GREB1L: variants seen among roughly 807,000 people sequenced by gnomAD.
GREB1L encodes the protein GREB1-like protein.
GREB1L carries 17 observed loss-of-function variants against 200.8 expected under a neutral mutation model. That is an observed-to-expected ratio of 0.08 (90% CI 0.06 to 0.13). The LOEUF (loss-of-function observed/expected upper bound fraction) is 0.13. Ranked by LOEUF, GREB1L falls within the 10% of genes least tolerant of loss-of-function variation. GREB1L has a pLI of 1.00. For missense variants in GREB1L, 1,657 were observed against 2,367.7 expected, an observed-to-expected ratio of 0.70 and a Z score of 6.23; for synonymous variants, 789 against 893.0, an observed-to-expected ratio of 0.88 and a Z score of 2.08.
At chr18:21,363,620 C>T (rs1342248291) in intron 1 of GREB1L, 3 of 152,022 alleles carry the variant, frequency 2.0e-5, no homozygotes, top group African/African-American at 4.8e-5. Flanking sequence ...TCACTTTAGG[C>T]ATTACAAGAT....
At position 21,477,261 on chromosome 18, in the gene GREB1L, G is replaced by A. The variant is rs1382901695; in HGVS notation, c.2461G>A (p.Val821Met). Reference protein sequence around the residue: ...REVLEAFNLLVLQVSSFPYTL... With the variant: ...REVLEAFNLLMLQVSSFPYTL... ...AGTTCTGGAAGCTTTCAACCTCCTG[G>A]TGCTCCAGGTCAGCTCCTTCCCATA... The change falls in exon 17 of 33, where the codon GTG becomes ATG. Residue 821 changes from valine to methionine, a missense_variant. By Grantham distance (21) the Val-to-Met change is conservative (BLOSUM62 1). This residue lies in a region of GREB1L where 239 missense variants were observed against 421.8 expected (regional missense o/e 0.57). Coordinates refer to ENST00000424526, the MANE Select transcript of GREB1L (RefSeq NM_001142966.3). The A allele has an allele frequency of 1.3e-6, 2 of 1,551,752 alleles. No homozygotes were observed. The highest frequency in any genetic ancestry group is 8.7e-7 in the Non-Finnish European group (1 of 1,146,972).
At chr18:21,267,691 T>C (rs1186958149) in intron 1 of GREB1L, among the ~76,000 whole-genome samples, 2 of 152,118 alleles carry the variant, frequency 1.3e-5, no homozygotes, top group East Asian at 1.9e-4. Context: ...CATCCAATCA[T>C]AAATGATGAT....
chr18:21,475,743 G>T (rs935109314), intron 16 of GREB1L, among the ~76,000 whole-genome samples: 1 of 151,766 alleles, frequency 6.6e-6, no homozygotes, highest in African/African-American at 2.4e-5. Flanking sequence ...AAGGTGGGTG[G>T]ATTACTTGGG....
chr18:21,409,186 T>C (rs1240321704), intron 7 of GREB1L, among the ~76,000 whole-genome samples: 1 of 152,198 alleles, frequency 6.6e-6, no homozygotes. Context: ...TGGAATACCA[T>C]CCAGCGATAA....
chr18:21,407,820 A>T (rs1598776620), intron 7 of GREB1L, among the ~76,000 whole-genome samples: 2 of 152,352 alleles, frequency 1.3e-5, no homozygotes, highest in Non-Finnish European at 2.9e-5. Context: ...TTGCAGGAAC[A>T]TGGATGGAAC....
chr18:21,472,192 A>G (rs1458688592), intron 15 of GREB1L, among the ~76,000 whole-genome samples: 2 of 152,200 alleles, frequency 1.3e-5, no homozygotes, highest in Non-Finnish European at 2.9e-5. Context: ...ATTGCATGTA[A>G]TTGTTCACTG....
chr18:21,328,169 GTGCCAT>G (rs1394931816), intron 1 of GREB1L, among the ~76,000 whole-genome samples: 1 of 150,310 alleles, frequency 6.7e-6, no homozygotes, highest in East Asian at 1.9e-4. Context: ...TCCTGATTCA[GTGCCAT>G]TGCCCCCCCC....
chr18:21,483,138 G>A (rs1045967599), intron 17 of GREB1L, among the ~76,000 whole-genome samples: 12 of 152,178 alleles, frequency 7.9e-5, no homozygotes, highest in Non-Finnish European at 1.3e-4. Context: ...AACCTGCTAA[G>A]AAGAAAGAGA....
At chr18:21,478,945 G>A (rs1408239824) in intron 17 of GREB1L, among the ~76,000 whole-genome samples, 1 of 152,088 alleles carries the variant, frequency 6.6e-6, no homozygotes, top group Non-Finnish European at 1.5e-5. Context: ...GCAGTGGTGC[G>A]AAGTCAGCTC....
At chr18:21,389,029 C>G (rs887281518) in intron 4 of GREB1L, among the ~76,000 whole-genome samples, 12 of 152,152 alleles carry the variant, frequency 7.9e-5, no homozygotes, top group African/African-American at 2.7e-4. Context: ...ACTCTCCTTC[C>G]ACTACATACT....
At chr18:21,311,768 G>C (rs2038794118) in intron 1 of GREB1L, among the ~76,000 whole-genome samples, 1 of 152,120 alleles carries the variant, frequency 6.6e-6, no homozygotes, top group South Asian at 2.1e-4. Flanking sequence ...AGCATGCTGA[G>C]ATGACAAGCA....
intron 14 of GREB1L, 40 bp downstream of exon 14, chr18:21,452,257 G>A: frequency 6.5e-7 from 1 of 1,536,032 alleles, no homozygotes; most frequent in South Asian, 1.2e-5. Flanking sequence ...GTCAGTCCTT[G>A]GGACAGACAT....
intron 27 of GREB1L, among the ~76,000 whole-genome samples, chr18:21,513,130 G>A (rs1357905776): frequency 6.6e-6 from 1 of 152,186 alleles, no homozygotes. Flanking sequence ...GGGAAGCCAA[G>A]GCACAATGGG....
intron 1 of GREB1L, among the ~76,000 whole-genome samples, chr18:21,258,924 A>G (rs1438528655): frequency 6.6e-6 from 1 of 152,208 alleles, no homozygotes; most frequent in African/African-American, 2.4e-5. Context: ...GAATAGAGCC[A>G]TGGAATTGAT....
intron 8 of GREB1L, among the ~76,000 whole-genome samples, chr18:21,439,972 A>G (rs375071399): frequency 2.0e-5 from 3 of 152,236 alleles, no homozygotes; most frequent in Non-Finnish European, 2.9e-5. Context: ...CAAAATGGGT[A>G]TAACAACAAT....
At chr18:21,284,491 A>T in intron 1 of GREB1L, among the ~76,000 whole-genome samples, 1 of 152,178 alleles carries the variant, frequency 6.6e-6, no homozygotes, top group Non-Finnish European at 1.5e-5. Flanking sequence ...TCATCCATGT[A>T]CTAATACTTC....
At chr18:21,344,210 G>T (rs1225477285) in intron 1 of GREB1L, among the ~76,000 whole-genome samples, 4 of 152,160 alleles carry the variant, frequency 2.6e-5, no homozygotes, top group Non-Finnish European at 5.9e-5. Flanking sequence ...GACCATCCTG[G>T]CTAACATGGT....
intron 1 of GREB1L, among the ~76,000 whole-genome samples, chr18:21,354,431 CAAG>C (rs1409435378): frequency 6.6e-6 from 1 of 152,104 alleles, no homozygotes; most frequent in Non-Finnish European, 1.5e-5. Flanking sequence ...TCAACAACAA[CAAG>C]AAGTTTAAAA....
intron 23 of GREB1L, among the ~76,000 whole-genome samples, chr18:21,502,217 C>T (rs1243300089): frequency 6.6e-6 from 1 of 151,498 alleles, no homozygotes; most frequent in Non-Finnish European, 1.5e-5. Context: ...CGCCACTGCA[C>T]TCCAGCCTGG....
Sources: allele counts gnomAD v4.1 joint callset (sites outside exome capture counted in the v4.1 genomes callset), GRCh38; gene constraint gnomAD v4.1.1; regional missense constraint gnomAD v4.1.1; transcripts MANE v1.5; gene names NCBI Gene and HGNC (gene_info 2026-07-23, HGNC 2026-07-21).